The following SHANK2 variants were observed in gnomAD, a reference collection of about 807,000 sequenced individuals.
SHANK2 encodes SH3 and multiple ankyrin repeat domains protein 2.
SHANK2 carries 43 observed loss-of-function variants against 133.7 expected under a neutral mutation model. The observed-to-expected ratio is 0.32, with a 90% CI of 0.25 to 0.41. The LOEUF (loss-of-function observed/expected upper bound fraction) is 0.41, where lower values mean the gene tolerates loss of function less well. SHANK2 is among the 10% of genes least tolerant of loss of function. The pLI is 1.00. For synonymous variants in SHANK2, 1,017 were observed against 952.8 expected (o/e 1.07, Z -1.24); for missense variants, 1,994 against 2,235.8 (o/e 0.89, Z 2.18).
In SHANK2 at chr11:70,821,693, G is replaced by A. The variant is rs182991191; in HGVS notation, c.1175-1011C>T. ...CTGCCTCAGCCACCCAAAGTACTGA[G>A]ATTACAGGCATGAGCCACCGTGCCC... On this transcript the variant is annotated intron_variant, in intron 11 of 25. Transcript: ENST00000601538. Among the ~76,000 whole-genome samples the A allele has an allele frequency of 3.0e-3, 451 of 152,290 alleles. 2 individuals carry two copies. The highest frequency in any genetic ancestry group is 3.7e-3 in the Non-Finnish European group (254 of 68,026).
At chr11:70,868,838 G>T (rs562148968) in intron 11 of SHANK2, among the ~76,000 whole-genome samples, 12 of 152,298 alleles carry the variant, frequency 7.9e-5, no homozygotes, top group Admixed American at 3.9e-4. Context: ...CTCACCCAGG[G>T]TGCCAAAGTC....
intron 14 of SHANK2, among the ~76,000 whole-genome samples, chr11:70,742,951 C>A (rs539797552): frequency 7.9e-5 from 12 of 152,240 alleles, no homozygotes; most frequent in African/African-American, 2.9e-4. Flanking sequence ...CCTGGCCTGG[C>A]GTCCTTGGAT....
In SHANK2 at chr11:70,490,392, A is replaced by C. The variant is rs782695113; in HGVS notation, c.2440-5T>G. Reference sequence around the variant, plus strand: ...TCCTTGGCGTTCGTACACAGACTGCAAACCAGAGAGCCTAGGGTGAGACGC... The same window carrying C: ...TCCTTGGCGTTCGTACACAGACTGCCAACCAGAGAGCCTAGGGTGAGACGC... On this transcript the variant is annotated splice_region_variant and splice_polypyrimidine_tract_variant and intron_variant, in intron 22 of 25. Coordinates refer to ENST00000601538, the MANE Select transcript of SHANK2 (RefSeq NM_012309.5). 6.2e-7 allele frequency: 1 copy of C among 1,613,304 alleles called. No homozygotes were observed. The highest frequency in any genetic ancestry group is 8.5e-7 in the Non-Finnish European group (1 of 1,179,246).
chr11:71,189,229 G>A (rs565582307), intron 2 of SHANK2, among the ~76,000 whole-genome samples: 1 of 152,302 alleles, frequency 6.6e-6, no homozygotes, highest in Admixed American at 6.5e-5. Flanking sequence ...TTCCCCCAGG[G>A]GCTCCCAGAC....
At chr11:70,674,320 G>A (rs1944868308) in intron 15 of SHANK2, among the ~76,000 whole-genome samples, 1 of 152,104 alleles carries the variant, frequency 6.6e-6, no homozygotes. Flanking sequence ...CTAAGATAGA[G>A]GCTGACACAT....
intron 2 of SHANK2, among the ~76,000 whole-genome samples, chr11:71,201,020 CA>C (rs1371091579): frequency 1.3e-5 from 2 of 152,112 alleles, no homozygotes; most frequent in African/African-American, 4.8e-5. Context: ...CATCAGTAAA[CA>C]ACATAAAGCC....
chr11:70,750,163 T>C (rs1555037193), intron 14 of SHANK2, among the ~76,000 whole-genome samples: 1 of 152,234 alleles, frequency 6.6e-6, no homozygotes, highest in African/African-American at 2.4e-5. Flanking sequence ...CTAAAGAAGC[T>C]GTGAGTTTCC....
intron 17 of SHANK2, among the ~76,000 whole-genome samples, chr11:70,611,327 G>A (rs1416170367): frequency 6.6e-6 from 1 of 152,212 alleles, no homozygotes; most frequent in Non-Finnish European, 1.5e-5. Flanking sequence ...TGTGGGGATG[G>A]TGAGGCGGGG....
intron 14 of SHANK2, among the ~76,000 whole-genome samples, chr11:70,699,574 T>C (rs557592295): frequency 5.9e-5 from 9 of 152,334 alleles, no homozygotes; most frequent in African/African-American, 1.2e-4. Context: ...CTAAACTCTG[T>C]AAACAACCTT....
intron 13 of SHANK2, among the ~76,000 whole-genome samples, chr11:70,801,376 G>T (rs555698450): frequency 1.3e-5 from 2 of 152,328 alleles, no homozygotes; most frequent in Admixed American, 1.3e-4. Flanking sequence ...GTGTGCCGAG[G>T]GTGCAGGGGA....
intron 17 of SHANK2, among the ~76,000 whole-genome samples, chr11:70,587,563 C>T (rs563908029): frequency 2.0e-5 from 3 of 152,164 alleles, no homozygotes; most frequent in Admixed American, 1.3e-4. Context: ...ACAGCGAGTC[C>T]GACATTCAGA....
chr11:70,683,698 C>A (rs191485522), intron 15 of SHANK2, among the ~76,000 whole-genome samples: 120 of 152,312 alleles, frequency 7.9e-4, no homozygotes, highest in South Asian at 6.2e-4. Flanking sequence ...GTGGCTGCAG[C>A]AGGCATTCCT....
intron 17 of SHANK2, chr11:70,634,424 C>T (rs1404330264): frequency 6.6e-6 from 1 of 152,134 alleles, no homozygotes; most frequent in Non-Finnish European, 1.5e-5. Flanking sequence ...TTTTGTGCAT[C>T]AAAGGGCACC....
chr11:70,700,436 C>T (rs61886416), intron 14 of SHANK2, among the ~76,000 whole-genome samples: 1 of 152,100 alleles, frequency 6.6e-6, no homozygotes, highest in Non-Finnish European at 1.5e-5. Context: ...TGCTCAGGGC[C>T]GTGGGAGCCC....
intron 17 of SHANK2, among the ~76,000 whole-genome samples, chr11:70,586,828 C>T (rs538636081): frequency 6.6e-6 from 1 of 152,312 alleles, no homozygotes; most frequent in African/African-American, 2.4e-5. Context: ...CCTCACCCCC[C>T]CAGAGTGGGC....
At chr11:70,858,457 C>A (rs573936060) in intron 11 of SHANK2, among the ~76,000 whole-genome samples, 1 of 152,202 alleles carries the variant, frequency 6.6e-6, no homozygotes. Flanking sequence ...GAAACCCAGG[C>A]ATGACCTGCA....
At chr11:70,678,638 G>C (rs782190797) in intron 15 of SHANK2, among the ~76,000 whole-genome samples, 2 of 148,570 alleles carry the variant, frequency 1.3e-5, no homozygotes, top group Non-Finnish European at 3.0e-5. Flanking sequence ...CACCTCCCGG[G>C]TTCAAGTGAT....
At chr11:70,724,857 C>T (rs559857901) in intron 14 of SHANK2, among the ~76,000 whole-genome samples, 121 of 152,328 alleles carry the variant, frequency 7.9e-4, no homozygotes, top group Non-Finnish European at 1.3e-3. Context: ...AGGTAGCAGA[C>T]TCTAGTCAGA....
chr11:70,791,546 C>A (rs1555047999), intron 14 of SHANK2, among the ~76,000 whole-genome samples: 1 of 152,238 alleles, frequency 6.6e-6, no homozygotes, highest in African/African-American at 2.4e-5. Context: ...CCACCCAACT[C>A]TTCATACGCA....
Sources: gnomAD v4.1 joint callset for allele counts (sites outside exome capture counted in the v4.1 genomes callset) on GRCh38, gnomAD v4.1.1 for gene constraint, MANE v1.5 for transcripts, NCBI Gene and HGNC (gene_info 2026-07-23, HGNC 2026-07-21) for gene names.